The following COG5 variants were observed in gnomAD, a reference collection of about 807,000 sequenced individuals.
COG5 encodes the protein component of oligomeric golgi complex 5, also known as conserved oligomeric Golgi complex subunit 5.
In COG5, 86 loss-of-function variants were observed where a neutral mutation model predicts 110.4. The observed-to-expected ratio is 0.78, with a 90% CI of 0.65 to 0.93. The LOEUF (loss-of-function observed/expected upper bound fraction) is 0.93, where lower values mean the gene tolerates loss of function less well. Ranked by LOEUF, COG5 falls within the 40% of genes least tolerant of loss-of-function variation. COG5 has a pLI of 0.00. For missense variants in COG5, 1,077 were observed against 987.0 expected (o/e 1.09, Z -1.22); for synonymous variants, 360 against 334.6 (o/e 1.08, Z -0.83).
At chr7:107,450,643 C>T (rs373810594) in intron 6 of COG5, among the ~76,000 whole-genome samples, 1 of 152,180 alleles carries the variant, frequency 6.6e-6, no homozygotes, top group East Asian at 1.9e-4. Flanking sequence ...AAGAGATGGG[C>T]TAGCTCCATT....
At chr7:107,499,492 G>A (rs1798501363) in intron 6 of COG5, among the ~76,000 whole-genome samples, 1 of 150,402 alleles carries the variant, frequency 6.6e-6, no homozygotes, top group South Asian at 2.1e-4. Context: ...TACAACCTCT[G>A]CCTCCCAGGT....
At chr7:107,451,929 T>A (rs1435929788) in intron 6 of COG5, among the ~76,000 whole-genome samples, 2 of 152,134 alleles carry the variant, frequency 1.3e-5, no homozygotes, top group Non-Finnish European at 1.5e-5. Flanking sequence ...TTTGACTGCA[T>A]GGGGAGTCAG....
At chr7:107,219,818 G>T (rs941905842) in intron 19 of COG5, among the ~76,000 whole-genome samples, 1 of 152,300 alleles carries the variant, frequency 6.6e-6, no homozygotes, top group South Asian at 2.1e-4. Flanking sequence ...ATTGCTAATA[G>T]AATAAATTTC....
chr7:107,385,130 C>T (rs889060869), intron 7 of COG5, among the ~76,000 whole-genome samples: 4 of 152,068 alleles, frequency 2.6e-5, no homozygotes, highest in African/African-American at 7.2e-5. Flanking sequence ...AGACACACAG[C>T]GAAAAAGGCC....
At chr7:107,469,434 AT>A (rs1226909483) in intron 6 of COG5, among the ~76,000 whole-genome samples, 1 of 152,174 alleles carries the variant, frequency 6.6e-6, no homozygotes, top group Non-Finnish European at 1.5e-5. Context: ...TGTTTAAAAA[AT>A]ATTTTAGGGT....
chr7:107,555,058 A>G (rs1803207211), intron 2 of COG5, among the ~76,000 whole-genome samples: 2 of 152,186 alleles, frequency 1.3e-5, no homozygotes, highest in African/African-American at 4.8e-5. Context: ...ATTCAGCACC[A>G]CCAAGGCTAC....
At chr7:107,399,825 C>A (rs1791295883) in intron 7 of COG5, among the ~76,000 whole-genome samples, 1 of 152,140 alleles carries the variant, frequency 6.6e-6, no homozygotes, top group South Asian at 2.1e-4. Context: ...TTTGTCACAT[C>A]AGTAGTTATT....
At chr7:107,340,012 A>G (rs1811043581) in intron 10 of COG5, among the ~76,000 whole-genome samples, 1 of 152,124 alleles carries the variant, frequency 6.6e-6, no homozygotes. Flanking sequence ...AAGAAAAGAA[A>G]TAACTAAAAT....
intron 7 of COG5, among the ~76,000 whole-genome samples, chr7:107,404,316 T>A (rs1453488474): frequency 5.9e-5 from 9 of 152,230 alleles, no homozygotes; most frequent in African/African-American, 2.2e-4. Context: ...GTTCCTTGTT[T>A]ACTGAACATC....
chr7:107,283,874 C>T, intron 12 of COG5, 142 bp from the exon 13 acceptor site: 1 of 640,094 alleles, frequency 1.6e-6, no homozygotes, highest in Non-Finnish European at 2.7e-6. Flanking sequence ...TAATTTGTTT[C>T]ACAACGTACA....
At chr7:107,257,661 G>C (rs1802984203) in intron 15 of COG5, among the ~76,000 whole-genome samples, 1 of 152,056 alleles carries the variant, frequency 6.6e-6, no homozygotes, top group Non-Finnish European at 1.5e-5. Context: ...GTCACAGATG[G>C]ACTTGAAAGT....
At chr7:107,348,206 C>CT (rs1463232855) in intron 10 of COG5, among the ~76,000 whole-genome samples, 1 of 148,274 alleles carries the variant, frequency 6.7e-6, no homozygotes, top group East Asian at 2.0e-4. Flanking sequence ...TCTGTATATA[C>CT]TGCTGCACTT....
chr7:107,239,809 G>A (rs1304677967), intron 17 of COG5, among the ~76,000 whole-genome samples: 7 of 152,168 alleles, frequency 4.6e-5, no homozygotes, highest in Non-Finnish European at 8.8e-5. Flanking sequence ...TATTATTGAT[G>A]TCTAGTTTCA....
At chr7:107,507,073 G>A (rs1216356698) in intron 6 of COG5, among the ~76,000 whole-genome samples, 1 of 152,076 alleles carries the variant, frequency 6.6e-6, no homozygotes, top group Non-Finnish European at 1.5e-5. Flanking sequence ...TGTTGAGTAG[G>A]ATAAAGGTCT....
At chr7:107,519,199 G>C (rs1800153210) in intron 6 of COG5, among the ~76,000 whole-genome samples, 1 of 152,006 alleles carries the variant, frequency 6.6e-6, no homozygotes, top group African/African-American at 2.4e-5. Context: ...GAGAAAGCAG[G>C]AAAGATCTAA....
chr7:107,258,022 CA>C (rs1803013359), intron 15 of COG5, among the ~76,000 whole-genome samples: 1 of 152,062 alleles, frequency 6.6e-6, no homozygotes, highest in Non-Finnish European at 1.5e-5. Flanking sequence ...ATAATTTGCT[CA>C]ATAAACTTAA....
At chr7:107,209,958 CAGTT>C in intron 21 of COG5, 9 of 989,520 alleles carry the variant, frequency 9.1e-6, no homozygotes, top group East Asian at 2.2e-4. Context: ...CCATGTATGA[CAGTT>C]AAAGCACCCC....
intron 6 of COG5, among the ~76,000 whole-genome samples, chr7:107,488,353 A>G (rs1797775150): frequency 6.6e-6 from 1 of 152,082 alleles, no homozygotes; most frequent in Non-Finnish European, 1.5e-5. Flanking sequence ...TTAGAAAAAG[A>G]CATTTTCTCA....
At chr7:107,432,334 A>G (rs1484557515) in intron 6 of COG5, among the ~76,000 whole-genome samples, 4 of 152,330 alleles carry the variant, frequency 2.6e-5, no homozygotes, top group Admixed American at 2.6e-4. Flanking sequence ...CAGACAAAAC[A>G]TTGCTGGGTT....
Sources: gnomAD v4.1 joint callset for allele counts (sites outside exome capture counted in the v4.1 genomes callset) on GRCh38, gnomAD v4.1.1 for gene constraint, MANE v1.5 for transcripts, NCBI Gene and HGNC (gene_info 2026-07-23, HGNC 2026-07-21) for gene names.